Variants in ADGRF1 observed in about 807,000 individuals in gnomAD.
ADGRF1 encodes G protein-coupled receptor 110.
In ADGRF1, 85 loss-of-function variants were observed where a neutral mutation model predicts 87.2. The ratio of observed to expected loss-of-function variants is 0.97; its 90% CI spans 0.82 to 1.17. The LOEUF (loss-of-function observed/expected upper bound fraction) is 1.17, where lower values mean the gene tolerates loss of function less well. ADGRF1 is among the 50% of genes most tolerant of loss of function. The probability of loss-of-function intolerance (pLI) is 0.00; values close to 1 mark genes in which losing one functional copy is unlikely to be tolerated. For missense variants in ADGRF1, 1,169 were observed against 1,077.2 expected (o/e 1.09, Z -1.19); for synonymous variants, 430 against 408.8 (o/e 1.05, Z -0.63).
At position 47,009,187 on chromosome 6, in the gene ADGRF1, G is replaced by T; in HGVS notation, c.2248C>A (p.Pro750Thr). 1.2e-6 allele frequency: 2 copies of T among 1,614,142 alleles called. No homozygotes were observed. The highest frequency in any genetic ancestry group is 1.7e-6 in the Non-Finnish European group (2 of 1,180,036). Residue 750 changes from proline (P) to threonine (T), a missense_variant, in exon 11 of 15, where the codon CCT (proline) becomes ACT (threonine). Transcript: ENST00000371253. ...TTCACAGCCACAATAGCCAGTGCAG[G>T]GACAACAAAAGCCAGGAGTGGTTTG... is the stretch of plus-strand genomic sequence containing the variant. ...GSKPLLAFVVPALAIVAVNFV... is the reference protein window; with the variant it reads ...GSKPLLAFVVTALAIVAVNFV...
At chr6:47,028,142 C>A (rs1311465975) in intron 2 of ADGRF1, among the ~76,000 whole-genome samples, 1 of 152,108 alleles carries the variant, frequency 6.6e-6, no homozygotes, top group East Asian at 1.9e-4. Context: ...GAAAAACATG[C>A]TGTAACTTAC....
chr6:47,000,656 A>G (rs1003886117), intron 14 of ADGRF1, among the ~76,000 whole-genome samples: 1 of 152,206 alleles, frequency 6.6e-6, no homozygotes, highest in Non-Finnish European at 1.5e-5. Flanking sequence ...CTTGTAAAAA[A>G]GCGCTCAAGC....
intron 1 of ADGRF1, among the ~76,000 whole-genome samples, chr6:47,031,669 G>A (rs1318684612): frequency 1.3e-5 from 2 of 152,108 alleles, no homozygotes; most frequent in South Asian, 2.1e-4. Flanking sequence ...GGGTGTCCCC[G>A]TCTCACCCTA....
At chr6:47,018,368 T>A in intron 7 of ADGRF1, 2 of 1,249,870 alleles carry the variant, frequency 1.6e-6, no homozygotes, top group Non-Finnish European at 2.1e-6. Context: ...AAAAAATTAT[T>A]AATTACTAAT....
In ADGRF1 at chr6:47,018,383, C is replaced by T. The variant is rs541182184; in HGVS notation, c.612-1615G>A. ...AAAAAATTATTAATTACTAATTGAT[C>T]GGAAGTTCCGCAGCTCAAATTCTTA... On this transcript the variant is annotated intron_variant, in intron 7 of 14. Coordinates refer to ENST00000371253, the MANE Select transcript of ADGRF1 (RefSeq NM_153840.4). 182 of 1,265,992 alleles carry T rather than the reference C, an allele frequency of 1.4e-4. No individual in the cohort carries two copies. In the East Asian group the frequency reaches 1.7e-3, roughly 12 times the overall value. 78.4% of individuals were successfully genotyped at this position (1,265,992 alleles called of 1,614,324 possible).
intron 1 of ADGRF1, among the ~76,000 whole-genome samples, chr6:47,035,533 AG>A (rs1319597182): frequency 1.3e-5 from 2 of 152,212 alleles, no homozygotes; most frequent in African/African-American, 4.8e-5. Flanking sequence ...CAATTGTGTA[AG>A]TTAAGTGGAA....
Position 47,022,040 on chromosome 6 carries a change from T to G in ADGRF1, c.470A>C (p.Lys157Thr), listed in dbSNP as rs756077915. 6.4e-7 allele frequency: 1 copy of G among 1,572,566 alleles called. No individual in the cohort carries two copies. ...CERTKIWGTF[K>T]INERFTNDLL... The stretch of plus-strand genomic sequence containing the variant: ...GTCATTTGTAAACCTTTCATTAATT[T>G]TGAAAGTGCCCCAAATCTCTGTAGG... Residue 157 changes from lysine (K) to threonine (T), a missense_variant, in exon 6 of 15, where the codon AAA (lysine) becomes ACA (threonine). Transcript: ENST00000371253.
intron 1 of ADGRF1, among the ~76,000 whole-genome samples, chr6:47,040,871 C>T (rs1327521211): frequency 6.6e-6 from 1 of 152,162 alleles, no homozygotes; most frequent in Non-Finnish European, 1.5e-5. Context: ...AAGTATGGTG[C>T]TTTCCTTGCC....
Position 47,025,848 on chromosome 6 carries a change from C to T in ADGRF1, c.277+6G>A, listed in dbSNP as rs1195577812. 9.5e-6 allele frequency: 15 copies of T among 1,579,482 alleles called. No individual in the cohort carries two copies. Among genetic ancestry groups the T allele is most frequent in the Admixed American group, 1.7e-5 (1 of 58,114 alleles). ...TTATACATCCAGTCACCGAGAGCCA[C>T]CTTACCTGTGGTAGCCTTTGCTCTG... On this transcript the variant is annotated splice_donor_region_variant and intron_variant, in intron 4 of 14. Transcript: ENST00000371253.
At chr6:47,013,878 TTC>T (rs71305758) in intron 9 of ADGRF1, 18,518 of 146,472 alleles carry the variant, frequency 0.13, 2,813 homozygotes, top group African/African-American at 0.36. Context: ...ATCTCTCTCT[TTC>T]TCTCTCTCTC....
At position 47,016,599 on chromosome 6, in the gene ADGRF1, A is replaced by G; in HGVS notation, c.763+18T>C. 1 of 1,582,918 alleles carries G rather than the reference A, an allele frequency of 6.3e-7. No homozygotes were observed. Among genetic ancestry groups the G allele is most frequent in the Non-Finnish European group, 8.6e-7 (1 of 1,158,058 alleles). On this transcript the variant is annotated intron_variant, in intron 8 of 14. Coordinates refer to ENST00000371253, the MANE Select transcript of ADGRF1 (RefSeq NM_153840.4). ...AGGACTCTCTTAACCTAAGCAGAGGATGGGAATCCAGCATTACCTTTTCCG... is the reference window on the plus strand; with the variant it reads ...AGGACTCTCTTAACCTAAGCAGAGGGTGGGAATCCAGCATTACCTTTTCCG...
intron 5 of ADGRF1, among the ~76,000 whole-genome samples, chr6:47,023,490 A>G (rs918696707): frequency 6.6e-6 from 1 of 152,176 alleles, no homozygotes; most frequent in African/African-American, 2.4e-5. Flanking sequence ...CTCACCTTTC[A>G]TTGAACATAA....
At chr6:47,020,652 C>A in intron 7 of ADGRF1, 79 bp downstream of exon 7, 4 of 1,590,574 alleles carry the variant, frequency 2.5e-6, no homozygotes, top group Non-Finnish European at 2.6e-6. Context: ...GTCAGGGTCA[C>A]CTAAAAACAG....
At position 47,020,719 on chromosome 6, in the gene ADGRF1, T is replaced by G. The variant is rs557446931; in HGVS notation, c.611+12A>C. The G allele has an allele frequency of 1.9e-5, 30 of 1,613,032 alleles. No individual in the cohort carries two copies. In the South Asian group the frequency reaches 3.0e-4, roughly 16 times the overall value. ...TCTGGGGATGCCCTTCTAAGACCAT[T>G]GTGTTACTTACCGAAATTGGGTGAC... On this transcript the variant is annotated intron_variant, in intron 7 of 14. Coordinates refer to ENST00000371253, the MANE Select transcript of ADGRF1 (RefSeq NM_153840.4).
chr6:47,001,105 G>A (rs145808685), intron 14 of ADGRF1, among the ~76,000 whole-genome samples: 1 of 152,360 alleles, frequency 6.6e-6, no homozygotes, highest in African/African-American at 2.4e-5. Flanking sequence ...GCAACATCAG[G>A]GCACAAGCAC....
In ADGRF1 at chr6:47,014,814, C is replaced by T. The variant is rs866524586; in HGVS notation, c.794G>A (p.Gly265Glu). ...CAGGGTATATTCATCATCCTTGGAC[C>T]CAAATCCAAAGACAATGTCATTACA... Reference protein sequence around the residue: ...AQCNDIVFGFGSKDDEYTLPC... With the variant: ...AQCNDIVFGFESKDDEYTLPC... Residue 265 changes from glycine (G) to glutamate (E), a missense_variant, in exon 9 of 15, where the codon GGG (glycine) becomes GAG (glutamate). Gly to Glu is a moderately conservative substitution (Grantham distance 98, BLOSUM62 -2). Coordinates refer to ENST00000371253, the MANE Select transcript of ADGRF1 (RefSeq NM_153840.4). 1 of 1,610,884 alleles carries T rather than the reference C, an allele frequency of 6.2e-7. No homozygotes were observed. Among genetic ancestry groups the T allele is most frequent in the East Asian group, 2.2e-5 (1 of 44,780 alleles).
intron 3 of ADGRF1, among the ~76,000 whole-genome samples, chr6:47,026,493 T>C (rs948285273): frequency 1.3e-5 from 2 of 152,060 alleles, no homozygotes; most frequent in Non-Finnish European, 2.9e-5. Context: ...CGTGTGGGTA[T>C]TTATATGAAA....
At chr6:47,014,471 T>C in intron 9 of ADGRF1, 5 of 1,298,130 alleles carry the variant, frequency 3.9e-6, no homozygotes, top group Non-Finnish European at 4.9e-6. Context: ...CAACTCTGTC[T>C]TTTGAGCTGC....
At chr6:47,024,410 G>A in intron 4 of ADGRF1, 193 bp from the exon 5 acceptor site, 1 of 488,042 alleles carries the variant, frequency 2.0e-6, no homozygotes. Context: ...TGCCTCCTGG[G>A]TTCAGGTGAA....
Sources: gnomAD v4.1 joint callset for allele counts (sites outside exome capture counted in the v4.1 genomes callset) on GRCh38, gnomAD v4.1.1 for gene constraint, MANE v1.5 for transcripts, NCBI Gene and HGNC (gene_info 2026-07-23, HGNC 2026-07-21) for gene names.